CWF19L2: variants seen among roughly 807,000 people sequenced by gnomAD.
CWF19L2 encodes CWF19 like cell cycle control factor 2.
In CWF19L2, 98 loss-of-function variants were observed where a neutral mutation model predicts 111.7. That is an observed-to-expected ratio of 0.88 (90% CI 0.75 to 1.04). The LOEUF (loss-of-function observed/expected upper bound fraction) is 1.04, where lower values mean the gene tolerates loss of function less well. Among genes scored for constraint, CWF19L2 ranks in the 50% least tolerant of loss-of-function variants. The probability of loss-of-function intolerance (pLI) is 0.00; values close to 1 mark genes in which losing one functional copy is unlikely to be tolerated. For missense variants in CWF19L2, 1,101 were observed against 1,051.4 expected (o/e 1.05, Z -0.65); for synonymous variants, 351 against 342.9 (o/e 1.02, Z -0.26).
chr11:107,418,053 T>C, intron 9 of CWF19L2, 141 bp downstream of exon 9: 1 of 640,924 alleles, frequency 1.6e-6, no homozygotes. Context: ...GTGCCAGGCC[T>C]GAGAATTTCT....
At chr11:107,396,659 G>A (rs930603994) in intron 10 of CWF19L2, among the ~76,000 whole-genome samples, 3 of 152,148 alleles carry the variant, frequency 2.0e-5, no homozygotes, top group African/African-American at 4.8e-5. Context: ...TCAAGAGACC[G>A]TGGCAGACAC....
At chr11:107,362,358 A>C (rs1269829355) in intron 12 of CWF19L2, among the ~76,000 whole-genome samples, 2 of 151,836 alleles carry the variant, frequency 1.3e-5, no homozygotes, top group Non-Finnish European at 1.5e-5. Context: ...TGTAGGCTTC[A>C]CCTCTGGGGG....
chr11:107,361,535 G>T (rs1252189336), intron 12 of CWF19L2, among the ~76,000 whole-genome samples: 1 of 152,120 alleles, frequency 6.6e-6, no homozygotes, highest in Admixed American at 6.6e-5. Flanking sequence ...TGTTGATAGA[G>T]ATTATAATCA....
chr11:107,341,279 T>C (rs1386069580), intron 14 of CWF19L2, among the ~76,000 whole-genome samples: 1 of 152,208 alleles, frequency 6.6e-6, no homozygotes, highest in Non-Finnish European at 1.5e-5. Context: ...TTAGATAAGC[T>C]TCCTTCCGGC....
chr11:107,441,681 G>A (rs1861621286), intron 4 of CWF19L2, 59 bp from the exon 5 acceptor site: 1 of 1,400,936 alleles, frequency 7.1e-7, no homozygotes, highest in Non-Finnish European at 9.3e-7. Context: ...AATCTGAACT[G>A]ATTAGAATTT....
intron 10 of CWF19L2, chr11:107,403,748 G>T (rs1861040314): frequency 1.1e-6 from 1 of 888,028 alleles, no homozygotes; most frequent in Non-Finnish European, 1.9e-6. Context: ...CTTTTTGCCG[G>T]TCTGTTCCTC....
At chr11:107,436,702 A>G (rs2135416612) in intron 6 of CWF19L2, among the ~76,000 whole-genome samples, 1 of 152,326 alleles carries the variant, frequency 6.6e-6, no homozygotes, top group Admixed American at 6.5e-5. Context: ...AGGAGTCTGT[A>G]AGCAAGAATT....
At position 107,441,501 on chromosome 11, in the gene CWF19L2, A is replaced by C; in HGVS notation, c.570+2T>G. ...GTTAAAGCATTTCAAATATTCTCTTACCTGTTCAAGCGCTTGGTTTTTCTC... is the reference window on the plus strand; with the variant it reads ...GTTAAAGCATTTCAAATATTCTCTTCCCTGTTCAAGCGCTTGGTTTTTCTC... On this transcript the variant is annotated splice_donor_variant, in intron 5 of 17. Coordinates refer to ENST00000282251, the MANE Select transcript of CWF19L2 (RefSeq NM_152434.3). LOFTEE classifies it high-confidence loss of function. 6.6e-7 allele frequency: 1 copy of C among 1,522,270 alleles called. No homozygotes were observed. The highest frequency in any genetic ancestry group is 8.8e-7 in the Non-Finnish European group (1 of 1,137,556). 94.3% of individuals were successfully genotyped at this position (1,522,270 alleles called of 1,614,324 possible).
At chr11:107,362,007 C>T (rs538223323) in intron 12 of CWF19L2, among the ~76,000 whole-genome samples, 2 of 152,284 alleles carry the variant, frequency 1.3e-5, no homozygotes, top group South Asian at 2.1e-4. Context: ...CATTGCCGCA[C>T]TTGGGAAGCG....
chr11:107,396,963 AG>A (rs1001895373), intron 10 of CWF19L2, among the ~76,000 whole-genome samples: 2 of 152,120 alleles, frequency 1.3e-5, no homozygotes, highest in African/African-American at 2.4e-5. Flanking sequence ...GAGTCAAGTT[AG>A]GGGGCCAAGT....
intron 17 of CWF19L2, among the ~76,000 whole-genome samples, chr11:107,328,457 ATC>A (rs1456029760): frequency 3.9e-5 from 6 of 152,130 alleles, no homozygotes; most frequent in African/African-American, 1.4e-4. Context: ...TATCCCCATA[ATC>A]TCTTCTTGCT....
chr11:107,336,751 A>T, intron 14 of CWF19L2, 38 bp from the exon 15 acceptor site: 1 of 1,126,228 alleles, frequency 8.9e-7, no homozygotes, highest in Non-Finnish European at 1.2e-6. Flanking sequence ...AAAACACTTA[A>T]AGGAGATTCA....
intron 12 of CWF19L2, among the ~76,000 whole-genome samples, chr11:107,385,694 A>C (rs964374037): frequency 6.6e-6 from 1 of 152,230 alleles, no homozygotes; most frequent in Admixed American, 6.5e-5. Context: ...AGAAATAAAC[A>C]ATTCATAAGT....
At position 107,329,930 on chromosome 11, in the gene CWF19L2, A is replaced by T; in HGVS notation, c.2529T>A (p.His843Gln). Reference sequence around the variant, plus strand: ...TTTGTAAGCCTACCTTTCCAAAGTAATGAGGGAATTTGTGCTGATCTTCAA... The same window carrying T: ...TTTGTAAGCCTACCTTTCCAAAGTATTGAGGGAATTTGTGCTGATCTTCAA... ...HVIEDQHKFP[H>Q]YFGKEIIGGM... Residue 843 changes from histidine (H) to glutamine (Q), a missense_variant, in exon 17 of 18, where the codon CAT (histidine) becomes CAA (glutamine). Transcript: ENST00000282251. 6.3e-7 allele frequency: 1 copy of T among 1,578,796 alleles called. No individual in the cohort carries two copies. The highest frequency in any genetic ancestry group is 1.2e-5 in the South Asian group (1 of 84,152).
At chr11:107,331,248 C>T (rs1591145327) in intron 16 of CWF19L2, among the ~76,000 whole-genome samples, 1 of 152,292 alleles carries the variant, frequency 6.6e-6, no homozygotes, top group Non-Finnish European at 1.5e-5. Context: ...TGTGTTACCT[C>T]AGACAAGTTA....
At chr11:107,392,686 A>C in intron 11 of CWF19L2, 93 bp downstream of exon 11, 1 of 687,082 alleles carries the variant, frequency 1.5e-6, no homozygotes, top group Non-Finnish European at 2.3e-6. Context: ...CAAAAGCCAC[A>C]TTTCAGAAAA....
chr11:107,373,129 G>A (rs1327255830), intron 12 of CWF19L2, among the ~76,000 whole-genome samples: 5 of 45,032 alleles, frequency 1.1e-4, no homozygotes, highest in Non-Finnish European at 2.1e-4. Context: ...CTACGCCCAC[G>A]GAGTCTCGCT....
At chr11:107,355,393 C>A (rs545989128) in intron 12 of CWF19L2, among the ~76,000 whole-genome samples, 1 of 145,452 alleles carries the variant, frequency 6.9e-6, no homozygotes, top group Non-Finnish European at 1.5e-5. Context: ...CTAGACTGGG[C>A]GACAAGAGCG....
chr11:107,453,780 C>G (rs1168977974), intron 3 of CWF19L2, among the ~76,000 whole-genome samples: 1 of 151,912 alleles, frequency 6.6e-6, no homozygotes, highest in Non-Finnish European at 1.5e-5. Context: ...TCTGCCCTGG[C>G]CCAGGGGGTG....
Sources: allele counts gnomAD v4.1 joint callset (sites outside exome capture counted in the v4.1 genomes callset), GRCh38; gene constraint gnomAD v4.1.1; transcripts MANE v1.5; gene names NCBI Gene and HGNC (gene_info 2026-07-23, HGNC 2026-07-21).